Variants in WIF1 observed in about 807,000 individuals in gnomAD.
WIF1 encodes Wnt inhibitory factor 1.
WIF1 carries 35 observed loss-of-function variants against 53.5 expected under a neutral mutation model. That is an observed-to-expected ratio of 0.65 (90% CI 0.50 to 0.87). The LOEUF is 0.87. WIF1 is among the 40% of genes least tolerant of loss of function. The pLI, the probability that WIF1 is intolerant of heterozygous loss-of-function variation, is 0.00. For synonymous variants in WIF1, 171 were observed against 170.4 expected (o/e 1.00, Z -0.03); for missense variants, 467 against 476.8 (o/e 0.98, Z 0.19).
At chr12:65,062,420 G>T in intron 7 of WIF1, 61 bp downstream of exon 7, 1 of 1,353,712 alleles carries the variant, frequency 7.4e-7, no homozygotes, top group East Asian at 2.4e-5. Context: ...TAAAATGAAG[G>T]GGTTATATGG....
At chr12:65,062,745 C>T (rs1310839908) in intron 6 of WIF1, among the ~76,000 whole-genome samples, 169 bp from the exon 7 acceptor site, 1 of 152,066 alleles carries the variant, frequency 6.6e-6, no homozygotes, top group Non-Finnish European at 1.5e-5. Flanking sequence ...AATTGCTTGC[C>T]TATGTGCAGA....
chr12:65,055,171 T>A lies in WIF1; in HGVS notation c.965A>T (p.Glu322Val). The A allele has an allele frequency of 6.2e-7, 1 of 1,614,206 alleles. No individual in the cohort carries two copies. The highest frequency in any genetic ancestry group is 1.1e-5 in the South Asian group (1 of 91,086). The change falls in exon 9 of 10, where the codon GAA becomes GTA. Residue 322 changes from glutamate (E) to valine (V), a missense_variant. Physicochemically the swap from Glu to Val is moderately radical, Grantham distance 121. Coordinates refer to ENST00000286574, the MANE Select transcript of WIF1 (RefSeq NM_007191.5). ...PGCGAHGTCHEPNKCQCQEGW... is the reference protein window; with the variant it reads ...PGCGAHGTCHVPNKCQCQEGW... Reference sequence around the variant, plus strand: ...TTCTTGACATTGGCATTTGTTGGGTTCATGGCAGGTTCCATGTGCACCACA... The same window carrying A: ...TTCTTGACATTGGCATTTGTTGGGTACATGGCAGGTTCCATGTGCACCACA...
intron 7 of WIF1, among the ~76,000 whole-genome samples, chr12:65,058,214 C>T (rs1289249183): frequency 6.6e-6 from 1 of 152,100 alleles, no homozygotes; most frequent in African/African-American, 2.4e-5. Context: ...AAATACCTGA[C>T]CCCAACATAT....
At chr12:65,060,817 T>C (rs180925988) in intron 7 of WIF1, among the ~76,000 whole-genome samples, 1 of 152,220 alleles carries the variant, frequency 6.6e-6, no homozygotes, top group African/African-American at 2.4e-5. Context: ...GTTCCCGTGA[T>C]AGAAACAGGA....
intron 2 of WIF1, among the ~76,000 whole-genome samples, chr12:65,114,729 C>T (rs189247789): frequency 6.6e-6 from 1 of 152,282 alleles, no homozygotes; most frequent in East Asian, 1.9e-4. Context: ...AAAACAAACA[C>T]ATTCCTACAG....
intron 2 of WIF1, among the ~76,000 whole-genome samples, chr12:65,079,998 A>G (rs529452559): frequency 2.2e-4 from 33 of 152,332 alleles, no homozygotes; most frequent in African/African-American, 7.7e-4. Flanking sequence ...CATGAAAGAT[A>G]TTAAGAGATA....
rs115691862 is a variant in WIF1, at chr12:65,051,385, C to T, written c.1104G>A (p.Glu368=). 2.0e-4 allele frequency: 315 copies of T among 1,613,956 alleles called. No individual in the cohort carries two copies. In the African/African-American group the frequency reaches 3.7e-3, roughly 19 times the overall value. Residue 368 remains glutamate, a synonymous_variant, in exon 10 of 10, where the codon GAG becomes GAA. Transcript: ENST00000286574. ...AATTGGATTCAGGTGGATCCCGCCG[C>T]TCCTCGGCCTTTTTAAGTGAAGGCG... ...QHTPSLKKAE[E]RRDPPESNYI...
chr12:65,066,781 G>C, intron 5 of WIF1, 45 bp from the exon 6 acceptor site: 1 of 1,438,418 alleles, frequency 7.0e-7, no homozygotes, highest in Non-Finnish European at 9.5e-7. Flanking sequence ...TGGTATTTTG[G>C]AGCAGGACCA....
Position 65,051,189 on chromosome 12 carries a change from A to C in WIF1, c.*160T>G, listed in dbSNP as rs955416733. ...TGCTACAGACGTACTTAGAAAACTTAAAAGGAAGAGTAAATATCAGCTCAG... is the reference window on the plus strand; with the variant it reads ...TGCTACAGACGTACTTAGAAAACTTCAAAGGAAGAGTAAATATCAGCTCAG... On this transcript the variant is annotated 3_prime_UTR_variant, in exon 10 of 10. Coordinates refer to ENST00000286574, the MANE Select transcript of WIF1 (RefSeq NM_007191.5). The C allele has an allele frequency of 1.1e-6, 1 of 940,514 alleles. No homozygotes were observed. The allele number at this position is 940,514 out of a possible 1,614,324, so 58.3% of individuals were successfully genotyped here.
intron 2 of WIF1, among the ~76,000 whole-genome samples, chr12:65,119,894 T>C (rs952526694): frequency 4.6e-5 from 7 of 152,242 alleles, no homozygotes; most frequent in Admixed American, 4.6e-4. Context: ...GGCTGCAATA[T>C]TTTATAACGT....
In WIF1 at chr12:65,114,270, G is replaced by A. The variant is rs181340362; in HGVS notation, c.288+6147C>T. 3.8e-3 allele frequency among the ~76,000 whole-genome samples: 584 copies of A among 152,106 alleles called. 6 individuals carry two copies. Among genetic ancestry groups the A allele is most frequent in the Non-Finnish European group, 4.1e-3 (282 of 67,978 alleles). On this transcript the variant is annotated intron_variant, in intron 2 of 9. Coordinates refer to ENST00000286574, the MANE Select transcript of WIF1 (RefSeq NM_007191.5). The stretch of plus-strand genomic sequence containing the variant: ...CCAGTCCAACGGGAAACTTGAGAGT[G>A]CAAACTGTAGCCAATTTAATGGGAC...
At chr12:65,095,269 T>C (rs903169922) in intron 2 of WIF1, among the ~76,000 whole-genome samples, 43 of 152,030 alleles carry the variant, frequency 2.8e-4, no homozygotes, top group African/African-American at 1.0e-3. Flanking sequence ...TGGAACATAT[T>C]TGAAAGTTGC....
rs760437506 is a variant in WIF1 at position 65,081,718 on chromosome 12, TG to T, written c.289-3865del. 1.7e-3 allele frequency among the ~76,000 whole-genome samples: 254 copies of T among 152,294 alleles called. 1 individual carries two copies. The highest frequency in any genetic ancestry group is 5.7e-3 in the Admixed American group (87 of 15,278). ...CAGAGTAAATCGTTTTCTTTCTTGC[TG>T]AAGATGATAACTAATGGTGCATGAA... On this transcript the variant is annotated intron_variant, in intron 2 of 9. Transcript: ENST00000286574.
At chr12:65,082,394 A>G (rs1469302253) in intron 2 of WIF1, among the ~76,000 whole-genome samples, 2 of 152,198 alleles carry the variant, frequency 1.3e-5, no homozygotes, top group Non-Finnish European at 2.9e-5. Context: ...ATTTTGTTCC[A>G]TTAAATGACA....
chr12:65,065,946 A>T (rs949942326), intron 6 of WIF1, among the ~76,000 whole-genome samples: 9 of 152,142 alleles, frequency 5.9e-5, no homozygotes, highest in African/African-American at 2.2e-4. Context: ...TCTCTCTGGG[A>T]TGTGATTTGT....
chr12:65,058,118 A>G (rs1882557459), intron 7 of WIF1, among the ~76,000 whole-genome samples: 1 of 152,122 alleles, frequency 6.6e-6, no homozygotes, highest in Non-Finnish European at 1.5e-5. Flanking sequence ...GTTTGAATAC[A>G]AGAATACCAT....
chr12:65,102,213 G>A (rs953298821), intron 2 of WIF1, among the ~76,000 whole-genome samples: 2 of 152,084 alleles, frequency 1.3e-5, no homozygotes, highest in Admixed American at 1.3e-4. Context: ...TGGTATACTG[G>A]TCAAAGTTCT....
chr12:65,097,618 C>G (rs1190717603), intron 2 of WIF1, among the ~76,000 whole-genome samples: 2 of 152,122 alleles, frequency 1.3e-5, no homozygotes, highest in Admixed American at 1.3e-4. Context: ...TTTCTCACTC[C>G]CAAGTCTTAT....
chr12:65,059,710 G>A (rs565894812), intron 7 of WIF1, among the ~76,000 whole-genome samples: 2 of 151,666 alleles, frequency 1.3e-5, no homozygotes, highest in African/African-American at 4.8e-5. Flanking sequence ...GGAGTGCAGT[G>A]GCTCAACCTT....
Sources: allele counts gnomAD v4.1 joint callset (sites outside exome capture counted in the v4.1 genomes callset), GRCh38; gene constraint gnomAD v4.1.1; transcripts MANE v1.5; gene names NCBI Gene and HGNC (gene_info 2026-07-23, HGNC 2026-07-21).